MAST2: variants seen among roughly 807,000 people sequenced by gnomAD.
The protein encoded by MAST2 is microtubule-associated serine/threonine-protein kinase 2.
MAST2 carries 70 observed loss-of-function variants against 147.4 expected under a neutral mutation model. The ratio of observed to expected loss-of-function variants is 0.47; its 90% CI spans 0.39 to 0.58. MAST2 has a LOEUF of 0.58. Among genes scored for constraint, MAST2 ranks in the 20% least tolerant of loss-of-function variants. The pLI is 0.00. For synonymous variants in MAST2, 869 were observed against 896.8 expected (o/e 0.97, Z 0.55); for missense variants, 2,080 against 2,302.3 (o/e 0.90, Z 1.98).
chr1:45,841,755 A>G (rs1206575747), intron 3 of MAST2, among the ~76,000 whole-genome samples: 3 of 152,192 alleles, frequency 2.0e-5, no homozygotes, highest in Non-Finnish European at 4.4e-5. Flanking sequence ...CATTCAGCAA[A>G]AAGGACTGAG....
intron 5 of MAST2, among the ~76,000 whole-genome samples, chr1:45,996,787 G>A (rs1645074669): frequency 6.6e-6 from 1 of 152,076 alleles, no homozygotes; most frequent in South Asian, 2.1e-4. Flanking sequence ...AAACAAAGGG[G>A]TAGGTTTTTG....
intron 4 of MAST2, among the ~76,000 whole-genome samples, chr1:45,891,481 C>G (rs1010114737): frequency 8.6e-5 from 13 of 151,274 alleles, no homozygotes; most frequent in African/African-American, 2.9e-4. Context: ...CGTTTCAAAA[C>G]AAAACAAAAA....
chr1:45,857,151 T>G (rs1193191922), intron 3 of MAST2, among the ~76,000 whole-genome samples: 4 of 152,178 alleles, frequency 2.6e-5, no homozygotes. Context: ...ATGTAAGCTT[T>G]AAGAGGTCAG....
At chr1:45,826,082 C>CA (rs1557808577) in intron 2 of MAST2, among the ~76,000 whole-genome samples, 4 of 150,416 alleles carry the variant, frequency 2.7e-5, no homozygotes, top group Admixed American at 6.6e-5. Flanking sequence ...CAAAGCCAAA[C>CA]AAAAAAAAAG....
rs1443468673 is a variant in MAST2, at chr1:46,029,905, G to A, written c.2395G>A (p.Glu799Lys). The A allele has an allele frequency of 8.7e-6, 14 of 1,614,202 alleles. No individual in the cohort carries two copies. Among genetic ancestry groups the A allele is most frequent in the Non-Finnish European group, 1.2e-5 (14 of 1,180,036 alleles). Residue 799 changes from glutamate to lysine, a missense_variant, in exon 20 of 29, where the codon GAA becomes AAA. Transcript: ENST00000361297. ...DWTGLLRQKA[E>K]FIPQLESEDD... ...GACAGGACTTCTCCGCCAGAAGGCT[G>A]AATTTATTCCTCAGTTGGAGTCAGA... is the stretch of plus-strand genomic sequence containing the variant.
chr1:46,023,815 G>C lies in MAST2; in HGVS notation c.1615G>C (p.Ala539Pro). 1.2e-6 allele frequency: 2 copies of C among 1,614,092 alleles called. No individual in the cohort carries two copies. Among genetic ancestry groups the C allele is most frequent in the Non-Finnish European group, 1.7e-6 (2 of 1,180,028 alleles). The change falls in exon 15 of 29, where the codon GCC becomes CCC. Residue 539 changes from alanine (A) to proline (P), a missense_variant. Coordinates refer to ENST00000361297, the MANE Select transcript of MAST2 (RefSeq NM_015112.3). The surrounding 1 kb of genome is among the most constrained non-coding windows in gnomAD (Gnocchi z 4.9). ...VRHKSTRQRF[A>P]MKKINKQNLI... Reference sequence around the variant, plus strand: ...GCACAAGTCCACCCGGCAGCGCTTTGCCATGAAGAAGATCAACAAGCAGAA... The same window carrying C: ...GCACAAGTCCACCCGGCAGCGCTTTCCCATGAAGAAGATCAACAAGCAGAA...
intron 3 of MAST2, 49 bp downstream of exon 3, chr1:45,829,630 G>A: frequency 6.5e-7 from 1 of 1,535,902 alleles, no homozygotes; most frequent in Non-Finnish European, 8.9e-7. Context: ...ATCCATAATT[G>A]TCATTTGTCA....
chr1:45,921,050 C>T (rs778017009), intron 4 of MAST2, among the ~76,000 whole-genome samples: 14 of 152,222 alleles, frequency 9.2e-5, no homozygotes, highest in Non-Finnish European at 1.8e-4. Flanking sequence ...GGCTGGAGTG[C>T]AGTGGCGCAA....
intron 3 of MAST2, among the ~76,000 whole-genome samples, chr1:45,878,302 G>T (rs529117622): frequency 6.6e-6 from 1 of 151,590 alleles, no homozygotes; most frequent in East Asian, 1.9e-4. Context: ...TAACAGAAGA[G>T]AAAAACTATG....
intron 1 of MAST2, among the ~76,000 whole-genome samples, chr1:45,816,746 T>G (rs913988392): frequency 6.6e-6 from 1 of 152,166 alleles, no homozygotes; most frequent in African/African-American, 2.4e-5. Context: ...AGTGGCGTAA[T>G]GGCTCCCTGC....
intron 4 of MAST2, among the ~76,000 whole-genome samples, chr1:45,937,548 G>A (rs754796437): frequency 8.6e-5 from 13 of 151,802 alleles, no homozygotes; most frequent in Non-Finnish European, 1.6e-4. Context: ...TCAGGGGTTC[G>A]AGACCAGCCT....
chr1:45,958,954 G>T (rs75644821), intron 4 of MAST2, among the ~76,000 whole-genome samples: 6 of 152,098 alleles, frequency 3.9e-5, no homozygotes, highest in Non-Finnish European at 7.4e-5. Context: ...CGGACTAAAC[G>T]TTCTAAAAAT....
intron 21 of MAST2, 42 bp downstream of exon 21, chr1:46,030,280 G>A (rs1434903309): frequency 2.5e-6 from 4 of 1,587,842 alleles, no homozygotes; most frequent in Non-Finnish European, 3.4e-6. Flanking sequence ...CAGGCTGGAG[G>A]ATCAGAAGAA....
chr1:45,874,433 T>C (rs1570475658), intron 3 of MAST2, among the ~76,000 whole-genome samples: 1 of 152,288 alleles, frequency 6.6e-6, no homozygotes, highest in East Asian at 1.9e-4. Flanking sequence ...GCATTCCGAC[T>C]CTCCATGGAG....
chr1:45,905,498 G>C (rs1260439072), intron 4 of MAST2, among the ~76,000 whole-genome samples: 1 of 152,130 alleles, frequency 6.6e-6, no homozygotes, highest in Non-Finnish European at 1.5e-5. Context: ...GAAAGAGCCG[G>C]CTGTGCGCGG....
At chr1:45,856,486 TCAAA>T (rs1291850270) in intron 3 of MAST2, among the ~76,000 whole-genome samples, 4 of 152,220 alleles carry the variant, frequency 2.6e-5, no homozygotes, top group Non-Finnish European at 4.4e-5. Flanking sequence ...GATTTTGACA[TCAAA>T]CATTTTTGTT....
chr1:45,955,966 A>G lies in MAST2; in HGVS notation c.501-3420A>G, dbSNP rs182921821. Among the ~76,000 whole-genome samples, 63 of 152,340 alleles carry G rather than the reference A, an allele frequency of 4.1e-4. No individual in the cohort carries two copies. The East Asian group carries it at 0.012, about 28-fold the overall frequency. ...GACTGTGATAATGAACATGAAGATA[A>G]TGAACAGATCTATAACTCTCAGAAG... is the stretch of plus-strand genomic sequence containing the variant. On this transcript the variant is annotated intron_variant, in intron 4 of 28. Transcript: ENST00000361297.
chr1:46,010,319 T>C (rs1645661299), intron 9 of MAST2, among the ~76,000 whole-genome samples: 1 of 152,102 alleles, frequency 6.6e-6, no homozygotes, highest in South Asian at 2.1e-4. Context: ...GACACAATAT[T>C]TGAACTGAGA....
intron 4 of MAST2, among the ~76,000 whole-genome samples, chr1:45,949,621 G>T (rs1000286723): frequency 6.6e-6 from 1 of 152,180 alleles, no homozygotes; most frequent in Non-Finnish European, 1.5e-5. Context: ...CTGTTGGTGG[G>T]AGTGTAATTT....
Sources: gnomAD v4.1 joint callset for allele counts (sites outside exome capture counted in the v4.1 genomes callset) on GRCh38, gnomAD v4.1.1 for gene constraint, Gnocchi (gnomAD v3.1) non-coding constraint, MANE v1.5 for transcripts, NCBI Gene and HGNC (gene_info 2026-07-23, HGNC 2026-07-21) for gene names.